The following DOK6 variants were observed in gnomAD, a reference collection of about 807,000 sequenced individuals.
DOK6 encodes the protein docking protein 6.
Under a neutral mutation model 44.0 loss-of-function variants are expected in DOK6, and 22 were observed. The ratio of observed to expected loss-of-function variants is 0.50; its 90% CI spans 0.36 to 0.71. The LOEUF (loss-of-function observed/expected upper bound fraction) is 0.71, where lower values mean the gene tolerates loss of function less well. Ranked by LOEUF, DOK6 falls within the 30% of genes least tolerant of loss-of-function variation. DOK6 has a pLI of 0.00. For synonymous variants in DOK6, 166 were observed against 145.5 expected, an observed-to-expected ratio of 1.14 and a Z score of -1.01; for missense variants, 340 against 416.4, an observed-to-expected ratio of 0.82 and a Z score of 1.60.
At chr18:69,535,580 T>C (rs934445591) in intron 1 of DOK6, among the ~76,000 whole-genome samples, 6 of 151,522 alleles carry the variant, frequency 4.0e-5, no homozygotes, top group Admixed American at 2.0e-4. Flanking sequence ...AATATATATA[T>C]GTGATTCATA....
intron 7 of DOK6, among the ~76,000 whole-genome samples, chr18:69,805,415 T>C (rs537935704): frequency 1.3e-5 from 2 of 152,292 alleles, no homozygotes; most frequent in South Asian, 4.1e-4. Context: ...AATAATGGCC[T>C]GAGATATATT....
rs139998413 is a variant in DOK6, at chr18:69,827,401, T to C, written c.857-13843T>C. Reference sequence around the variant, plus strand: ...AAGGGAATATTTACAAATATGAAAGTCAAAATTTTGTTCCTGATGATCAGA... The same window carrying C: ...AAGGGAATATTTACAAATATGAAAGCCAAAATTTTGTTCCTGATGATCAGA... On this transcript the variant is annotated intron_variant, in intron 7 of 7. Transcript: ENST00000382713. 3.3e-3 allele frequency among the ~76,000 whole-genome samples: 498 copies of C among 152,184 alleles called. 3 individuals carry two copies. The highest frequency in any genetic ancestry group is 0.011 in the African/African-American group (445 of 41,550).
chr18:69,516,497 G>A (rs1287413720), intron 1 of DOK6, among the ~76,000 whole-genome samples: 7 of 152,078 alleles, frequency 4.6e-5, no homozygotes, highest in African/African-American at 1.2e-4. Flanking sequence ...AGACATAAAC[G>A]AAACACTTCA....
chr18:69,763,249 C>T (rs1243340074), intron 7 of DOK6, among the ~76,000 whole-genome samples: 1 of 152,158 alleles, frequency 6.6e-6, no homozygotes, highest in Non-Finnish European at 1.5e-5. Flanking sequence ...TGAGTTATGC[C>T]ACCTCTTCTT....
intron 3 of DOK6, among the ~76,000 whole-genome samples, chr18:69,624,584 C>G (rs556306786): frequency 2.0e-5 from 3 of 152,198 alleles, no homozygotes; most frequent in South Asian, 4.1e-4. Flanking sequence ...AAATGACATA[C>G]AATTAGCTGA....
At chr18:69,778,776 A>C (rs1980161126) in intron 7 of DOK6, among the ~76,000 whole-genome samples, 1 of 152,182 alleles carries the variant, frequency 6.6e-6, no homozygotes, top group Admixed American at 6.5e-5. Flanking sequence ...TTCATTTAAG[A>C]ATATGAAGGT....
intron 3 of DOK6, among the ~76,000 whole-genome samples, chr18:69,658,054 C>T (rs561249518): frequency 8.9e-4 from 136 of 152,218 alleles, no homozygotes; most frequent in African/African-American, 2.9e-3. Flanking sequence ...TGGGCTCAAG[C>T]GATCCTCCCA....
rs186810349 is a variant in DOK6, at chr18:69,607,251, T to C, written c.289+7753T>C. Among the ~76,000 whole-genome samples, 12 of 152,356 alleles carry C rather than the reference T, an allele frequency of 7.9e-5. No individual in the cohort carries two copies. In the East Asian group the frequency reaches 2.3e-3, roughly 29 times the overall value. ...TTCCTGGTAGTCGCACTTGATCTACTTTGTTGCCTTTGAAACATTAAAACT... is the reference window on the plus strand; with the variant it reads ...TTCCTGGTAGTCGCACTTGATCTACCTTGTTGCCTTTGAAACATTAAAACT... On this transcript the variant is annotated intron_variant, in intron 3 of 7. Transcript: ENST00000382713.
chr18:69,408,882 A>T (rs938550702), intron 1 of DOK6, among the ~76,000 whole-genome samples: 1 of 152,222 alleles, frequency 6.6e-6, no homozygotes, highest in African/African-American at 2.4e-5. Context: ...TTCCTTTATT[A>T]AAAAACTATT....
chr18:69,824,202 C>G (rs1397670864), intron 7 of DOK6, among the ~76,000 whole-genome samples: 534 of 139,282 alleles, frequency 3.8e-3, no homozygotes, highest in Non-Finnish European at 6.3e-3. Flanking sequence ...CCCCTCCCCC[C>G]ACCCCACAAC....
intron 1 of DOK6, among the ~76,000 whole-genome samples, chr18:69,452,687 G>T (rs1979505777): frequency 6.7e-6 from 1 of 148,656 alleles, no homozygotes; most frequent in Middle Eastern, 3.2e-3. Flanking sequence ...ACCGAATCCA[G>T]CAGCACATCA....
chr18:69,571,828 GA>G (rs1983121239), intron 2 of DOK6, among the ~76,000 whole-genome samples: 1 of 151,942 alleles, frequency 6.6e-6, no homozygotes, highest in Non-Finnish European at 1.5e-5. Flanking sequence ...AGACTAGCTA[GA>G]AAAAATATAT....
chr18:69,565,251 A>T (rs1402282063), intron 2 of DOK6, among the ~76,000 whole-genome samples: 1 of 152,182 alleles, frequency 6.6e-6, no homozygotes, highest in African/African-American at 2.4e-5. Flanking sequence ...TAGAATGCTC[A>T]GTAAAGATTT....
intron 3 of DOK6, among the ~76,000 whole-genome samples, chr18:69,677,268 A>C (rs1985942974): frequency 6.6e-6 from 1 of 151,502 alleles, no homozygotes. Flanking sequence ...TTTCTATTTT[A>C]TATTTACTTA....
chr18:69,548,665 C>A, intron 1 of DOK6, among the ~76,000 whole-genome samples: 1 of 151,500 alleles, frequency 6.6e-6, no homozygotes, highest in East Asian at 1.9e-4. Flanking sequence ...TACAAGTCGA[C>A]CTGAAATACA....
intron 1 of DOK6, among the ~76,000 whole-genome samples, chr18:69,474,788 A>G (rs556209260): frequency 1.8e-4 from 28 of 152,354 alleles, no homozygotes; most frequent in African/African-American, 6.3e-4. Context: ...TTGTCAAAAC[A>G]AAAATGAATT....
At chr18:69,749,803 G>C (rs117569653) in intron 6 of DOK6, among the ~76,000 whole-genome samples, 3,220 of 151,808 alleles carry the variant, frequency 0.021, 47 homozygotes, top group Middle Eastern at 0.075. Context: ...TTAGCTGGGC[G>C]TGATGGTGCG....
In DOK6 at chr18:69,848,700, A is replaced by G. The variant is rs556467221; in HGVS notation, c.*7317A>G. ...GTCGTAGTTTTTAATCTTAACCATC[A>G]ATAAATAAACCTATTGTTAACAATG... On this transcript the variant is annotated 3_prime_UTR_variant, in exon 8 of 8. Transcript: ENST00000382713. 3.9e-5 allele frequency: 6 copies of G among 152,242 alleles called. No homozygotes were observed. Among genetic ancestry groups the G allele is most frequent in the Admixed American group, 6.5e-5 (1 of 15,286 alleles). 9.4% of individuals were successfully genotyped at this position (152,242 alleles called of 1,614,324 possible). A position where few individuals can be genotyped will look rare whatever the true frequency, so the allele number is the denominator to read the frequency against.
chr18:69,600,064 G>A (rs1983837319), intron 3 of DOK6, among the ~76,000 whole-genome samples: 1 of 152,176 alleles, frequency 6.6e-6, no homozygotes, highest in Non-Finnish European at 1.5e-5. Context: ...TGGAATCCCT[G>A]TGGTGTGTAA....
Sources: allele counts gnomAD v4.1 joint callset (sites outside exome capture counted in the v4.1 genomes callset), GRCh38; gene constraint gnomAD v4.1.1; transcripts MANE v1.5; gene names NCBI Gene and HGNC (gene_info 2026-07-23, HGNC 2026-07-21).